The following CAP2 variants were observed in gnomAD, a reference collection of about 807,000 sequenced individuals.
CAP2 encodes the protein cyclase associated actin cytoskeleton regulatory protein 2.
Under a neutral mutation model 57.7 loss-of-function variants are expected in CAP2, and 24 were observed. The observed-to-expected ratio is 0.42, with a 90% CI of 0.30 to 0.58. The LOEUF is 0.58. Ranked by LOEUF, CAP2 falls within the 20% of genes least tolerant of loss-of-function variation. The probability of loss-of-function intolerance (pLI) is 0.22; values close to 1 mark genes in which losing one functional copy is unlikely to be tolerated. For missense variants in CAP2, 501 were observed against 590.3 expected (o/e 0.85, Z 1.57); for synonymous variants, 194 against 207.2 (o/e 0.94, Z 0.55).
intron 7 of CAP2, chr6:17,531,646 C>T: frequency 3.6e-6 from 4 of 1,107,676 alleles, no homozygotes; most frequent in Non-Finnish European, 5.3e-6. Flanking sequence ...TGGTTCCAGC[C>T]AGAAAAAGAG....
rs199714097 is a variant in CAP2 at position 17,463,290 on chromosome 6, AT to A, written c.300+220del. ...CAAGTTTTTTTTTTTTAAGTATGCC[AT>A]TTGCGAAAAAAAAAAGAAAGAAAAA... On this transcript the variant is annotated intron_variant, in intron 4 of 12. Coordinates refer to ENST00000229922, the MANE Select transcript of CAP2 (RefSeq NM_006366.3). Among the ~76,000 whole-genome samples, 139 of 148,694 alleles carry A rather than the reference AT, an allele frequency of 9.3e-4. No individual in the cohort carries two copies. The East Asian group carries it at 0.023, about 24-fold the overall frequency.
intron 7 of CAP2, among the ~76,000 whole-genome samples, chr6:17,532,839 A>T (rs145323705): frequency 6.6e-6 from 1 of 151,548 alleles, no homozygotes; most frequent in South Asian, 2.1e-4. Flanking sequence ...TGAGGCAGGC[A>T]TAACACCTGA....
At chr6:17,465,588 G>T (rs938601949) in intron 4 of CAP2, among the ~76,000 whole-genome samples, 2 of 152,102 alleles carry the variant, frequency 1.3e-5, no homozygotes, top group Non-Finnish European at 1.5e-5. Context: ...AAGCAGACCT[G>T]AGTGATCACC....
chr6:17,501,910 T>G (rs1761831486), intron 4 of CAP2, among the ~76,000 whole-genome samples: 1 of 152,214 alleles, frequency 6.6e-6, no homozygotes, highest in South Asian at 2.1e-4. Context: ...TCCATGTTGG[T>G]CCTTTCCACC....
chr6:17,490,712 G>A (rs1267444182), intron 4 of CAP2, among the ~76,000 whole-genome samples: 1 of 152,196 alleles, frequency 6.6e-6, no homozygotes, highest in African/African-American at 2.4e-5. Context: ...CCTTGGAGAA[G>A]GATCCTGGAG....
chr6:17,546,755 C>G (rs1763057289), intron 11 of CAP2, among the ~76,000 whole-genome samples: 1 of 152,196 alleles, frequency 6.6e-6, no homozygotes. Flanking sequence ...GAAGCACTCC[C>G]TTCGAAAACT....
chr6:17,443,220 C>G (rs1760143277), intron 3 of CAP2, among the ~76,000 whole-genome samples: 1 of 152,020 alleles, frequency 6.6e-6, no homozygotes, highest in Non-Finnish European at 1.5e-5. Flanking sequence ...GTATTGCACT[C>G]CAGCCTGGGT....
intron 3 of CAP2, among the ~76,000 whole-genome samples, chr6:17,427,574 T>G (rs1032400333): frequency 6.0e-5 from 9 of 149,678 alleles, no homozygotes; most frequent in Non-Finnish European, 1.3e-4. Flanking sequence ...TGTAAAATGA[T>G]GCAGGCACTG....
chr6:17,544,252 C>T (rs564762159), intron 11 of CAP2, among the ~76,000 whole-genome samples: 2 of 151,970 alleles, frequency 1.3e-5, no homozygotes, highest in East Asian at 3.9e-4. Flanking sequence ...AGTGAATCAA[C>T]TAATGCATAA....
chr6:17,442,416 C>A (rs768418995), intron 3 of CAP2, among the ~76,000 whole-genome samples: 1 of 152,162 alleles, frequency 6.6e-6, no homozygotes, highest in Non-Finnish European at 1.5e-5. Context: ...ACGGAACAGA[C>A]AACATGTGCA....
chr6:17,503,413 C>G (rs1265655616), intron 4 of CAP2, among the ~76,000 whole-genome samples: 1 of 152,082 alleles, frequency 6.6e-6, no homozygotes, highest in Non-Finnish European at 1.5e-5. Flanking sequence ...GCCTGGCCAA[C>G]ATGGCGAAAC....
intron 1 of CAP2, among the ~76,000 whole-genome samples, chr6:17,404,647 T>TAA (rs1758905520): frequency 6.7e-6 from 1 of 149,388 alleles, no homozygotes; most frequent in Admixed American, 6.7e-5. Context: ...GGCACGCACC[T>TAA]GTAATCCCAG....
At chr6:17,461,992 C>CAAAAAAAAAAAAAAAAA (rs567675285) in intron 3 of CAP2, among the ~76,000 whole-genome samples, 25 of 27,860 alleles carry the variant, frequency 9.0e-4, no homozygotes, top group East Asian at 3.3e-3. Flanking sequence ...GACTCCGTCT[C>CAAAAAAAAAAAAAAAAA]AAAAAAAAAA....
At position 17,543,126 on chromosome 6, in the gene CAP2, C is replaced by T. The variant is rs960911253; in HGVS notation, c.1192C>T (p.Gln398Ter). 6.2e-7 allele frequency: 1 copy of T among 1,613,658 alleles called. No individual in the cohort carries two copies. Among genetic ancestry groups the T allele is most frequent in the Non-Finnish European group, 8.5e-7 (1 of 1,179,672 alleles). Residue 398 changes from glutamine to a stop codon, truncating the protein, a stop_gained, in exon 11 of 13, where the codon CAG (glutamine) becomes TAG (stop). Coordinates refer to ENST00000229922, the MANE Select transcript of CAP2 (RefSeq NM_006366.3). LOFTEE classifies it high-confidence loss of function. ...GGGCATTGTGGAAGTGATCAACTCC[C>T]AGGACATTCAAATCCAGGTAAGCAG... Reference protein sequence around the residue: ...VVGIVEVINSQDIQIQVMGRV... With the variant: ...VVGIVEVINS
intron 3 of CAP2, among the ~76,000 whole-genome samples, chr6:17,438,456 T>TTTTTTA (rs1759968677): frequency 7.5e-6 from 1 of 134,012 alleles, no homozygotes; most frequent in Admixed American, 7.4e-5. Context: ...TTTTTTTTTT[T>TTTTTTA]GAGACGGAAT....
At chr6:17,497,690 A>G (rs1761703413) in intron 4 of CAP2, among the ~76,000 whole-genome samples, 1 of 152,216 alleles carries the variant, frequency 6.6e-6, no homozygotes. Flanking sequence ...TATACAAGGG[A>G]AATACACTAG....
intron 4 of CAP2, among the ~76,000 whole-genome samples, chr6:17,486,303 C>T (rs1238074230): frequency 6.6e-6 from 1 of 152,126 alleles, no homozygotes; most frequent in Non-Finnish European, 1.5e-5. Context: ...AGGGAAAAAC[C>T]TAGATAAATA....
At chr6:17,444,837 CACACACA>C (rs922848760) in intron 3 of CAP2, among the ~76,000 whole-genome samples, 2 of 151,046 alleles carry the variant, frequency 1.3e-5, no homozygotes, top group African/African-American at 4.9e-5. Context: ...CACACACACA[CACACACA>C]ACACGAGTCC....
chr6:17,551,294 A>G (rs994849086), intron 11 of CAP2, among the ~76,000 whole-genome samples, 170 bp from the exon 12 acceptor site: 5 of 152,168 alleles, frequency 3.3e-5, no homozygotes, highest in African/African-American at 9.7e-5. Context: ...CACCTATCCT[A>G]TTCTGCCTGA....
Sources: gnomAD v4.1 joint callset for allele counts (sites outside exome capture counted in the v4.1 genomes callset) on GRCh38, gnomAD v4.1.1 for gene constraint, MANE v1.5 for transcripts, NCBI Gene and HGNC (gene_info 2026-07-23, HGNC 2026-07-21) for gene names.